The following ANKS1B variants were observed in gnomAD, a reference collection of about 807,000 sequenced individuals.
ANKS1B encodes the protein ankyrin repeat and sterile alpha motif domain containing 1B, also known as ankyrin repeat and sterile alpha motif domain-containing protein 1B.
ANKS1B carries 36 observed loss-of-function variants against 148.3 expected under a neutral mutation model. The ratio of observed to expected loss-of-function variants is 0.24; its 90% CI spans 0.19 to 0.32. The LOEUF (loss-of-function observed/expected upper bound fraction) is 0.32. Among genes scored for constraint, ANKS1B ranks in the 10% least tolerant of loss-of-function variants. ANKS1B has a pLI of 1.00. For synonymous variants in ANKS1B, 542 were observed against 560.8 expected, an observed-to-expected ratio of 0.97 and a Z score of 0.47; for missense variants, 1,157 against 1,542.6, an observed-to-expected ratio of 0.75 and a Z score of 4.19.
intron 10 of ANKS1B, among the ~76,000 whole-genome samples, chr12:99,489,243 G>GA (rs34006525): frequency 0.018 from 1,442 of 82,308 alleles, 11 homozygotes; most frequent in Middle Eastern, 0.051. Flanking sequence ...CTCCATCTCA[G>GA]AAAAAAAAAA....
chr12:99,136,353 T>C (rs1164242636), intron 15 of ANKS1B, among the ~76,000 whole-genome samples: 2 of 152,306 alleles, frequency 1.3e-5, no homozygotes, highest in East Asian at 3.9e-4. Flanking sequence ...GATTTCCCTG[T>C]GTGCCTGGCA....
intron 12 of ANKS1B, among the ~76,000 whole-genome samples, chr12:99,360,027 G>A (rs2152425129): frequency 6.6e-6 from 1 of 152,254 alleles, no homozygotes; most frequent in Non-Finnish European, 1.5e-5. Context: ...ATTGAATGAT[G>A]AAATATTTCT....
chr12:99,173,473 A>G (rs2078025039), intron 14 of ANKS1B, among the ~76,000 whole-genome samples: 2 of 152,278 alleles, frequency 1.3e-5, no homozygotes, highest in South Asian at 4.1e-4. Flanking sequence ...ACTTAAGACA[A>G]TCTTAGAAAC....
At chr12:98,902,936 G>A (rs899055529) in intron 17 of ANKS1B, among the ~76,000 whole-genome samples, 1 of 152,138 alleles carries the variant, frequency 6.6e-6, no homozygotes, top group African/African-American at 2.4e-5. Context: ...AAGTGAGGAG[G>A]AGCCCATGAA....
At chr12:99,486,992 G>A (rs115349746) in intron 10 of ANKS1B, among the ~76,000 whole-genome samples, 216 of 152,288 alleles carry the variant, frequency 1.4e-3, no homozygotes, top group African/African-American at 4.7e-3. Flanking sequence ...GGTGGACAAG[G>A]GGGGAATGAC....
chr12:98,979,098 C>T (rs1290155910), intron 17 of ANKS1B, among the ~76,000 whole-genome samples: 2 of 150,896 alleles, frequency 1.3e-5, no homozygotes, highest in Non-Finnish European at 3.0e-5. Context: ...GCTGAGATTG[C>T]GCCACTGCAC....
chr12:98,887,259 A>C (rs1271857093), intron 17 of ANKS1B, among the ~76,000 whole-genome samples: 3 of 152,190 alleles, frequency 2.0e-5, no homozygotes, highest in Non-Finnish European at 4.4e-5. Context: ...TGTGATTCCA[A>C]CTCTGAGGTG....
intron 8 of ANKS1B, among the ~76,000 whole-genome samples, chr12:99,752,783 C>T (rs1400010790): frequency 3.3e-5 from 5 of 151,870 alleles, no homozygotes; most frequent in Admixed American, 6.6e-5. Context: ...GACTAGAATT[C>T]ATTTTTTCAT....
At chr12:99,072,367 T>C (rs994021389) in intron 16 of ANKS1B, among the ~76,000 whole-genome samples, 4 of 152,164 alleles carry the variant, frequency 2.6e-5, no homozygotes, top group African/African-American at 9.7e-5. Flanking sequence ...TTTGTATTTA[T>C]ATCTCACAAT....
At chr12:99,304,291 T>G (rs980232683) in intron 12 of ANKS1B, among the ~76,000 whole-genome samples, 1 of 152,202 alleles carries the variant, frequency 6.6e-6, no homozygotes, top group Non-Finnish European at 1.5e-5. Flanking sequence ...TTTTTGATTT[T>G]TTAAAATTAT....
chr12:99,932,123 A>C (rs149187329), intron 1 of ANKS1B, among the ~76,000 whole-genome samples: 251 of 152,290 alleles, frequency 1.6e-3, no homozygotes, highest in African/African-American at 4.1e-3. Flanking sequence ...CAATTGAATA[A>C]TACTACATTG....
At chr12:99,947,255 C>CAA (rs58317609) in intron 1 of ANKS1B, among the ~76,000 whole-genome samples, 15,988 of 128,812 alleles carry the variant, frequency 0.12, 1,173 homozygotes, top group African/African-American at 0.17. Flanking sequence ...TAAAGTAATA[C>CAA]AAAAAAAAAA....
At chr12:99,108,276 GC>G (rs1022378477) in intron 15 of ANKS1B, among the ~76,000 whole-genome samples, 3 of 152,204 alleles carry the variant, frequency 2.0e-5, no homozygotes, top group African/African-American at 7.2e-5. Context: ...TGATCACAAT[GC>G]ATTTTAGCCA....
At chr12:99,561,039 G>A (rs2097331239) in intron 9 of ANKS1B, among the ~76,000 whole-genome samples, 1 of 151,720 alleles carries the variant, frequency 6.6e-6, no homozygotes, top group Non-Finnish European at 1.5e-5. Flanking sequence ...GTAGAGACGG[G>A]TTTTCACCGT....
At chr12:99,637,677 A>G (rs2153413713) in intron 9 of ANKS1B, among the ~76,000 whole-genome samples, 1 of 151,948 alleles carries the variant, frequency 6.6e-6, no homozygotes, top group Admixed American at 6.6e-5. Flanking sequence ...CAAACATCAG[A>G]CTTCAAGTTC....
chr12:98,934,823 A>G (rs1161267487), intron 17 of ANKS1B, among the ~76,000 whole-genome samples: 1 of 151,900 alleles, frequency 6.6e-6, no homozygotes, highest in Non-Finnish European at 1.5e-5. Flanking sequence ...GTATATATCA[A>G]TATATACCAA....
Position 99,812,254 on chromosome 12 carries a change from T to C in ANKS1B, c.273A>G (p.Lys91=). The change falls in exon 3 of 27, where the codon AAA becomes AAG. Residue 91 remains lysine (K), a synonymous_variant. Coordinates refer to ENST00000683438, the MANE Select transcript of ANKS1B (RefSeq NM_001352186.2). ...CAGCCAGGTGAATAGGAAAATACCC[T>C]TTGTTGTCTGCTACATTTGTTGATG... ...YEASTNVADN[K]GYFPIHLAAW... 2 of 1,611,972 alleles carry C rather than the reference T, an allele frequency of 1.2e-6. No homozygotes were observed. Among genetic ancestry groups the C allele is most frequent in the Non-Finnish European group, 1.7e-6 (2 of 1,178,614 alleles).
intron 1 of ANKS1B, among the ~76,000 whole-genome samples, chr12:99,853,673 C>A (rs2088435622): frequency 6.6e-6 from 1 of 152,096 alleles, no homozygotes; most frequent in South Asian, 2.1e-4. Flanking sequence ...TTCTTTAACA[C>A]CCCCAAAAGT....
intron 9 of ANKS1B, among the ~76,000 whole-genome samples, chr12:99,626,044 T>C (rs2098109901): frequency 6.6e-6 from 1 of 152,114 alleles, no homozygotes. Flanking sequence ...AAAAGATACC[T>C]AAATCTTTCT....
Sources: allele counts gnomAD v4.1 joint callset (sites outside exome capture counted in the v4.1 genomes callset), GRCh38; gene constraint gnomAD v4.1.1; transcripts MANE v1.5; gene names NCBI Gene and HGNC (gene_info 2026-07-23, HGNC 2026-07-21).